Variants in ISM2 observed in about 807,000 individuals in gnomAD.
The protein encoded by ISM2 is isthmin-2.
A neutral mutation model predicts 58.0 loss-of-function variants in ISM2; 50 were observed. The ratio of observed to expected loss-of-function variants is 0.86; its 90% CI spans 0.69 to 1.09. The LOEUF (loss-of-function observed/expected upper bound fraction) is 1.09. Ranked by LOEUF, ISM2 falls within the 50% of genes least tolerant of loss-of-function variation. ISM2 has a pLI of 0.00. For synonymous variants in ISM2, 303 were observed against 312.4 expected (o/e 0.97, Z 0.32); for missense variants, 723 against 745.0 (o/e 0.97, Z 0.34).
At chr14:77,484,655 C>T (rs1348292903) in intron 2 of ISM2, 22 bp downstream of exon 2, 1 of 1,605,082 alleles carries the variant, frequency 6.2e-7, no homozygotes, top group African/African-American at 1.4e-5. Flanking sequence ...CCAGGAGCTG[C>T]TGGCCCTTCT....
intron 1 of ISM2, chr14:77,498,158 T>C: frequency 1.1e-6 from 1 of 923,706 alleles, no homozygotes; most frequent in Admixed American, 3.1e-5. Flanking sequence ...AGTCTCAGGC[T>C]GGCCACCCCT....
At position 77,490,213 on chromosome 14, in the gene ISM2, G is replaced by A. The variant is rs553430288; in HGVS notation, c.142-5294C>T. On this transcript the variant is annotated intron_variant, in intron 1 of 6. Transcript: ENST00000342219. ...GGGGTTTCACCATGTTAGCCAGGAT[G>A]GTCTCAATCTCTTGACTTCGTGATC... Among the ~76,000 whole-genome samples the A allele has an allele frequency of 6.3e-4, 95 of 151,978 alleles. 1 individual carries two copies. The South Asian group carries it at 9.8e-3, about 16-fold the overall frequency.
chr14:77,489,272 G>A (rs959132704), intron 1 of ISM2, among the ~76,000 whole-genome samples: 18 of 152,244 alleles, frequency 1.2e-4, no homozygotes, highest in Admixed American at 2.0e-4. Flanking sequence ...TGCAGGTCCC[G>A]CAGCCCTAGC....
At chr14:77,489,667 C>T (rs1411807074) in intron 1 of ISM2, among the ~76,000 whole-genome samples, 2 of 152,062 alleles carry the variant, frequency 1.3e-5, no homozygotes, top group African/African-American at 4.8e-5. Flanking sequence ...ATGTACTATT[C>T]TAAGCCAACC....
Position 77,484,416 on chromosome 14 carries a change from G to A in ISM2, c.534C>T (p.Pro178=), listed in dbSNP as rs373822871. Residue 178 remains proline, a synonymous_variant, in exon 3 of 7, where the codon CCC becomes CCT. Transcript: ENST00000342219. ...GCAAGGGAGTAACCTCCTGGGTCCTGGGAGGCGTGGCATTCCCTGGGGTCA... is the reference window on the plus strand; with the variant it reads ...GCAAGGGAGTAACCTCCTGGGTCCTAGGAGGCGTGGCATTCCCTGGGGTCA... ...AALTPGNATP[P]RTQEVTPLLL... The A allele has an allele frequency of 1.4e-5, 23 of 1,613,132 alleles. No individual in the cohort carries two copies. The highest frequency in any genetic ancestry group is 2.7e-5 in the African/African-American group (2 of 74,720).
intron 4 of ISM2, among the ~76,000 whole-genome samples, chr14:77,480,919 G>A (rs2079128316): frequency 6.6e-6 from 1 of 152,140 alleles, no homozygotes; most frequent in Non-Finnish European, 1.5e-5. Flanking sequence ...CCTGTCACAA[G>A]TTAGTCTTAA....
intron 4 of ISM2, among the ~76,000 whole-genome samples, chr14:77,479,561 T>G (rs2079119816): frequency 6.6e-6 from 1 of 152,078 alleles, no homozygotes; most frequent in South Asian, 2.1e-4. Context: ...TTTTTGTATT[T>G]TTAGTAGAGA....
chr14:77,496,280 G>C (rs2079239666), intron 1 of ISM2, among the ~76,000 whole-genome samples: 2 of 150,880 alleles, frequency 1.3e-5, no homozygotes, highest in Admixed American at 6.6e-5. Context: ...CCTGAGGTCG[G>C]GAGTTCAAGA....
Position 77,484,404 on chromosome 14 carries a change from C to T in ISM2, c.546G>A (p.Glu182=). 6.2e-7 allele frequency: 1 copy of T among 1,612,698 alleles called. No homozygotes were observed. Among genetic ancestry groups the T allele is most frequent in the Non-Finnish European group, 8.5e-7 (1 of 1,179,584 alleles). The change falls in exon 3 of 7, where the codon GAG becomes GAA. Residue 182 remains glutamate, a synonymous_variant. Coordinates refer to ENST00000342219, the MANE Select transcript of ISM2 (RefSeq NM_199296.3). ...PGNATPPRTQ[E]VTPLLLELQK... is the part of the protein sequence containing the mutation. ...GCAGCTCCAGCAGCAAGGGAGTAAC[C>T]TCCTGGGTCCTGGGAGGCGTGGCAT...
At chr14:77,498,277 T>C (rs1468914638) in intron 1 of ISM2, 1 of 1,317,168 alleles carries the variant, frequency 7.6e-7, no homozygotes, top group Non-Finnish European at 9.9e-7. Flanking sequence ...AGCGCCAGAT[T>C]CCTCGCACCG....
At position 77,494,323 on chromosome 14, in the gene ISM2, G is replaced by T. The variant is rs571217902; in HGVS notation, c.141+4330C>A. Among the ~76,000 whole-genome samples, 4 of 152,248 alleles carry T rather than the reference G, an allele frequency of 2.6e-5. No individual in the cohort carries two copies. The South Asian group carries it at 8.3e-4, about 32-fold the overall frequency. On this transcript the variant is annotated intron_variant, in intron 1 of 6. Transcript: ENST00000342219. Reference sequence around the variant, plus strand: ...TCCCTTTCAGCAACCTTTACTTTTAGATTCAGGGGTTTGATGTTCTTTAGC... The same window carrying T: ...TCCCTTTCAGCAACCTTTACTTTTATATTCAGGGGTTTGATGTTCTTTAGC...
intron 1 of ISM2, 88 bp downstream of exon 1, chr14:77,498,565 C>T (rs1048699018): frequency 1.4e-6 from 2 of 1,380,224 alleles, no homozygotes; most frequent in Non-Finnish European, 1.9e-6. Flanking sequence ...GTGTGTGTCC[C>T]GGTCCCGCTC....
chr14:77,484,790 G>C lies in ISM2; in HGVS notation c.271C>G (p.Pro91Ala), dbSNP rs1410960029. The C allele has an allele frequency of 6.2e-7, 1 of 1,610,966 alleles. No homozygotes were observed. Among genetic ancestry groups the C allele is most frequent in the South Asian group, 1.1e-5 (1 of 90,944 alleles). The part of the protein sequence containing the change: ...WTVTEPAAMT[P>A]GNATPPRTPE... ...GTCCTGGGAGGGGTGGCGTTGCCTG[G>C]GGTCATGGCTGCTGGCTCAGTGACA... Residue 91 changes from proline to alanine, a missense_variant, in exon 2 of 7, where the codon CCA becomes GCA. Physicochemically the swap from Pro to Ala is conservative, Grantham distance 27 (BLOSUM62 -1). Coordinates refer to ENST00000342219, the MANE Select transcript of ISM2 (RefSeq NM_199296.3).
chr14:77,480,066 C>G (rs1277660912), intron 4 of ISM2, among the ~76,000 whole-genome samples: 2 of 152,098 alleles, frequency 1.3e-5, no homozygotes, highest in Non-Finnish European at 2.9e-5. Flanking sequence ...TGCCTATAAT[C>G]CCAGCACTTC....
chr14:77,487,086 A>G (rs1478072191), intron 1 of ISM2, among the ~76,000 whole-genome samples: 1 of 151,670 alleles, frequency 6.6e-6, no homozygotes, highest in Non-Finnish European at 1.5e-5. Context: ...TACTAAAAAT[A>G]CAAAAAAAAT....
At chr14:77,491,691 C>CTTTT (rs777579764) in intron 1 of ISM2, among the ~76,000 whole-genome samples, 10 of 105,266 alleles carry the variant, frequency 9.5e-5, no homozygotes, top group East Asian at 2.7e-4. Context: ...CGCGTCTGGT[C>CTTTT]TTTTTTTTTT....
chr14:77,488,382 C>T (rs761138347), intron 1 of ISM2, among the ~76,000 whole-genome samples: 1 of 152,034 alleles, frequency 6.6e-6, no homozygotes, highest in Non-Finnish European at 1.5e-5. Context: ...GATCTCAACA[C>T]CTGCGCACTG....
chr14:77,485,574 T>G (rs1176114476), intron 1 of ISM2, among the ~76,000 whole-genome samples: 1 of 152,248 alleles, frequency 6.6e-6, no homozygotes, highest in African/African-American at 2.4e-5. Flanking sequence ...GATCAGATGG[T>G]AAGTGAAAAG....
chr14:77,478,527 C>T (rs369037358), intron 5 of ISM2, 48 bp downstream of exon 5: 17 of 1,592,420 alleles, frequency 1.1e-5, no homozygotes, highest in Non-Finnish European at 1.4e-5. Context: ...AAGCCTCCAG[C>T]CTAAGCCGCA....
Sources: gnomAD v4.1 joint callset for allele counts (sites outside exome capture counted in the v4.1 genomes callset) on GRCh38, gnomAD v4.1.1 for gene constraint, MANE v1.5 for transcripts, NCBI Gene and HGNC (gene_info 2026-07-23, HGNC 2026-07-21) for gene names.